The following CAMK2B variants were observed in gnomAD, a reference collection of about 807,000 sequenced individuals.
CAMK2B encodes the protein calcium/calmodulin dependent protein kinase II beta, also known as calcium/calmodulin-dependent protein kinase type II subunit beta.
In CAMK2B, 27 loss-of-function variants were observed where a neutral mutation model predicts 93.7. The ratio of observed to expected loss-of-function variants is 0.29; its 90% CI spans 0.21 to 0.40. CAMK2B has a LOEUF of 0.40. Among genes scored for constraint, CAMK2B ranks in the 10% least tolerant of loss-of-function variants. The pLI is 1.00. For missense variants in CAMK2B, 568 were observed against 895.8 expected (o/e 0.63, Z 4.67); for synonymous variants, 374 against 358.8 (o/e 1.04, Z -0.48).
At chr7:44,242,406 C>T (rs1007615040) in intron 9 of CAMK2B, 66 bp from the exon 10 acceptor site, 19 of 1,578,178 alleles carry the variant, frequency 1.2e-5, no homozygotes, top group Middle Eastern at 3.4e-4. Context: ...AAGAATTCTC[C>T]AAGGGGCTTC....
chr7:44,223,337 C>T (rs895502759), intron 20 of CAMK2B, among the ~76,000 whole-genome samples: 3 of 152,178 alleles, frequency 2.0e-5, no homozygotes, highest in African/African-American at 7.2e-5. Flanking sequence ...GGATGGTCCT[C>T]AGGGCAGTCT....
chr7:44,298,572 G>T (rs1050821265), intron 1 of CAMK2B, among the ~76,000 whole-genome samples: 1 of 152,260 alleles, frequency 6.6e-6, no homozygotes, highest in East Asian at 1.9e-4. Context: ...TGCATCAAAG[G>T]ACACTATCAA....
Position 44,284,161 on chromosome 7 carries a change from T to C in CAMK2B, c.130A>G (p.Ile44Val), listed in dbSNP as rs748466047. ...GCTGACAGCTTCTTGGTGTTGATGATCTTGGCTGCATACTCATGGCCGGTG... is the reference window on the plus strand; with the variant it reads ...GCTGACAGCTTCTTGGTGTTGATGACCTTGGCTGCATACTCATGGCCGGTG... ...LCTGHEYAAK[I>V]INTKKLSARD... Residue 44 changes from isoleucine to valine, a missense_variant, in exon 2 of 24, where the codon ATC becomes GTC. Ile to Val is a conservative substitution (Grantham distance 29). Around this residue, in one of 4 missense-constraint regions of CAMK2B, gnomAD observed 105 missense variants for 372.4 expected, o/e 0.28. Coordinates refer to ENST00000395749, the MANE Select transcript of CAMK2B (RefSeq NM_001220.5). 1.4e-5 allele frequency: 23 copies of C among 1,613,612 alleles called. No individual in the cohort carries two copies. The highest frequency in any genetic ancestry group is 1.7e-5 in the Admixed American group (1 of 59,994).
At chr7:44,293,082 G>A (rs1375975606) in intron 1 of CAMK2B, among the ~76,000 whole-genome samples, 6 of 152,084 alleles carry the variant, frequency 3.9e-5, no homozygotes, top group East Asian at 1.9e-4. Context: ...TGGGGACCAC[G>A]TGCCCCTCCC....
chr7:44,315,023 A>G (rs938795618), intron 1 of CAMK2B, among the ~76,000 whole-genome samples: 1 of 152,210 alleles, frequency 6.6e-6, no homozygotes, highest in Non-Finnish European at 1.5e-5. Flanking sequence ...CATTCTATGG[A>G]CTATTCTATT....
intron 1 of CAMK2B, among the ~76,000 whole-genome samples, chr7:44,293,575 G>T (rs764483848): frequency 6.6e-6 from 1 of 152,206 alleles, no homozygotes; most frequent in African/African-American, 2.4e-5. Context: ...TGGGGCAAGG[G>T]CTAGGGGAAA....
At chr7:44,306,456 G>A (rs1388226504) in intron 1 of CAMK2B, among the ~76,000 whole-genome samples, 1 of 152,226 alleles carries the variant, frequency 6.6e-6, no homozygotes, top group Non-Finnish European at 1.5e-5. Flanking sequence ...CAGTGGGGAG[G>A]TCTGCATTAA....
chr7:44,258,824 C>T lies in CAMK2B; in HGVS notation c.275+48G>A, dbSNP rs191537304. The T allele has an allele frequency of 5.7e-4, 906 of 1,584,336 alleles. 6 individuals are homozygous for T. In the African/African-American group the frequency reaches 0.011, roughly 19 times the overall value. ...GGGAGGCTGCAGATCCCACCCTGAG[C>T]CAAGGCTGGGAGTGAGTGCAGCGAG... is the stretch of plus-strand genomic sequence containing the variant. On this transcript the variant is annotated intron_variant, in intron 4 of 23. Coordinates refer to ENST00000395749, the MANE Select transcript of CAMK2B (RefSeq NM_001220.5).
rs1785196746 is a variant in CAMK2B, at chr7:44,286,591, T to A, written c.66-2366A>T. On this transcript the variant is annotated intron_variant, in intron 1 of 23. Coordinates refer to ENST00000395749, the MANE Select transcript of CAMK2B (RefSeq NM_001220.5). The surrounding 1 kb of genome is among the most constrained non-coding windows in gnomAD (Gnocchi z 4.0). ...CACAGCTGTTCCTCAGCACACGACATCCATGCACCATATCACCAAGAGCCT... is the reference window on the plus strand; with the variant it reads ...CACAGCTGTTCCTCAGCACACGACAACCATGCACCATATCACCAAGAGCCT... Among the ~76,000 whole-genome samples the A allele has an allele frequency of 6.6e-6, 1 of 152,146 alleles. No individual in the cohort carries two copies. Among genetic ancestry groups the A allele is most frequent in the Non-Finnish European group, 1.5e-5 (1 of 68,020 alleles).
At chr7:44,262,820 C>T (rs142772567) in intron 3 of CAMK2B, among the ~76,000 whole-genome samples, 185 bp downstream of exon 3, 5 of 152,174 alleles carry the variant, frequency 3.3e-5, no homozygotes, top group African/African-American at 4.8e-5. Context: ...ATGTCACATA[C>T]GACAAAGTCC....
At chr7:44,247,010 C>T (rs1340781109) in intron 6 of CAMK2B, 110 bp downstream of exon 6, 13 of 807,016 alleles carry the variant, frequency 1.6e-5, no homozygotes, top group African/African-American at 1.4e-4. Context: ...ATACACCTCA[C>T]CCCTCCAAGC....
chr7:44,251,031 C>G (rs1584214378), intron 5 of CAMK2B, among the ~76,000 whole-genome samples: 2 of 152,282 alleles, frequency 1.3e-5, no homozygotes, highest in African/African-American at 4.8e-5. Context: ...CTTCTTGTTC[C>G]TTAGATGGGG....
At chr7:44,220,973 G>A (rs2096395845) in intron 20 of CAMK2B, 72 bp from the exon 21 acceptor site, 2 of 1,309,732 alleles carry the variant, frequency 1.5e-6, no homozygotes, top group African/African-American at 1.5e-5. Flanking sequence ...CACAGCCCAG[G>A]GGAGGGCCTG....
Position 44,294,779 on chromosome 7 carries a change from G to C in CAMK2B, c.66-10554C>G, listed in dbSNP as rs1017844229. On this transcript the variant is annotated intron_variant, in intron 1 of 23. Transcript: ENST00000395749. The stretch of plus-strand genomic sequence containing the variant: ...GTATGGCAATTCTATGGGGGTGCTG[G>C]CCTCTCTAAGATCAAACAGAACCCT... Among the ~76,000 whole-genome samples the C allele has an allele frequency of 2.0e-5, 3 of 152,252 alleles. 1 individual carries two copies. The South Asian group carries it at 6.2e-4, about 32-fold the overall frequency.
At chr7:44,253,104 C>T (rs2096795244) in intron 5 of CAMK2B, among the ~76,000 whole-genome samples, 2 of 152,122 alleles carry the variant, frequency 1.3e-5, no homozygotes, top group South Asian at 4.1e-4. Flanking sequence ...CAGTTTCCTA[C>T]TGGTGCAGAG....
chr7:44,231,811 T>C (rs1418877514), intron 16 of CAMK2B, among the ~76,000 whole-genome samples: 2 of 151,998 alleles, frequency 1.3e-5, no homozygotes, highest in East Asian at 1.9e-4. Flanking sequence ...CAAAAGACCA[T>C]CCCCCAGGTC....
chr7:44,264,417 C>T (rs752839995), intron 2 of CAMK2B, among the ~76,000 whole-genome samples: 10 of 152,152 alleles, frequency 6.6e-5, no homozygotes, highest in East Asian at 1.9e-4. Context: ...GAGAAAGCCA[C>T]GCCTACAGAT....
chr7:44,239,564 G>A lies in CAMK2B; in HGVS notation c.1021+25C>T, dbSNP rs59640462. ...GCAGGAGGGACGGGCGGGAGCGGGC[G>A]GGACGCTGGTCGAGACACATCTACC... is the stretch of plus-strand genomic sequence containing the variant. On this transcript the variant is annotated intron_variant, in intron 13 of 23. Coordinates refer to ENST00000395749, the MANE Select transcript of CAMK2B (RefSeq NM_001220.5). 2.5e-4 allele frequency: 390 copies of A among 1,536,270 alleles called. 3 individuals carry two copies. The East Asian group carries it at 8.7e-3, about 34-fold the overall frequency.
chr7:44,284,448 C>T (rs1462583078), intron 1 of CAMK2B, among the ~76,000 whole-genome samples: 1 of 152,260 alleles, frequency 6.6e-6, no homozygotes, highest in African/African-American at 2.4e-5. Flanking sequence ...GCCGGCTTCC[C>T]GACGGCTGGC....
Sources: allele counts gnomAD v4.1 joint callset (sites outside exome capture counted in the v4.1 genomes callset), GRCh38; gene constraint gnomAD v4.1.1; regional missense constraint gnomAD v4.1.1; non-coding constraint Gnocchi (gnomAD v3.1); transcripts MANE v1.5; gene names NCBI Gene and HGNC (gene_info 2026-07-23, HGNC 2026-07-21).